ITFG1: variants seen among roughly 807,000 people sequenced by gnomAD.
ITFG1 encodes the protein T-cell immunomodulatory protein.
ITFG1 carries 34 observed loss-of-function variants against 81.8 expected under a neutral mutation model. The ratio of observed to expected loss-of-function variants is 0.42; its 90% confidence interval spans 0.32 to 0.55. ITFG1 has a LOEUF of 0.55. ITFG1 is among the 20% of genes least tolerant of loss of function. The probability of loss-of-function intolerance (pLI) is 0.17; values close to 1 mark genes in which losing one functional copy is unlikely to be tolerated. For synonymous variants in ITFG1, 285 were observed against 270.6 expected, an observed-to-expected ratio of 1.05 and a Z score of -0.52; for missense variants, 672 against 755.4, an observed-to-expected ratio of 0.89 and a Z score of 1.29.
intron 10 of ITFG1, among the ~76,000 whole-genome samples, chr16:47,290,798 T>C (rs181843937): frequency 6.6e-6 from 1 of 152,324 alleles, no homozygotes; most frequent in Non-Finnish European, 1.5e-5. Context: ...TTAATGCAGG[T>C]ACATTCAAGG....
At chr16:47,368,325 G>A (rs1968204781) in intron 7 of ITFG1, among the ~76,000 whole-genome samples, 1 of 151,178 alleles carries the variant, frequency 6.6e-6, no homozygotes, top group African/African-American at 2.4e-5. Context: ...GCCGAGGCAG[G>A]CAGATCACTT....
chr16:47,316,917 A>C (rs1967369098), intron 8 of ITFG1, among the ~76,000 whole-genome samples: 1 of 152,252 alleles, frequency 6.6e-6, no homozygotes, highest in Non-Finnish European at 1.5e-5. Flanking sequence ...AACTTGGCAC[A>C]GTACTTAAAG....
chr16:47,274,724 T>G (rs895100777), intron 10 of ITFG1, among the ~76,000 whole-genome samples: 4 of 152,110 alleles, frequency 2.6e-5, no homozygotes, highest in Admixed American at 1.3e-4. Flanking sequence ...AACTCTCACT[T>G]CTATATATCC....
intron 14 of ITFG1, among the ~76,000 whole-genome samples, chr16:47,179,259 T>C (rs1175823824): frequency 6.6e-6 from 1 of 152,212 alleles, no homozygotes; most frequent in East Asian, 1.9e-4. Context: ...ATCATGCTGC[T>C]ATAAAGACAC....
intron 3 of ITFG1, 82 bp from the exon 4 acceptor site, chr16:47,452,872 TCTA>T (rs1969407041): frequency 1.5e-6 from 1 of 648,350 alleles, no homozygotes; most frequent in Admixed American, 3.5e-5. Flanking sequence ...AAAATATTCT[TCTA>T]CTCTTTTCTA....
intron 10 of ITFG1, among the ~76,000 whole-genome samples, chr16:47,266,236 G>T (rs1470375464): frequency 2.0e-5 from 3 of 151,848 alleles, no homozygotes; most frequent in African/African-American, 7.3e-5. Flanking sequence ...TTGTTTTTTT[G>T]TGATGGAGTC....
intron 12 of ITFG1, among the ~76,000 whole-genome samples, chr16:47,253,479 A>G (rs1343707773): frequency 6.6e-6 from 1 of 152,160 alleles, no homozygotes; most frequent in Non-Finnish European, 1.5e-5. Flanking sequence ...CCTGAGCAGG[A>G]CCATGATGTG....
chr16:47,377,506 T>C lies in ITFG1; in HGVS notation c.656-1566A>G, dbSNP rs190884170. 1.7e-3 allele frequency among the ~76,000 whole-genome samples: 254 copies of C among 152,316 alleles called. 1 individual carries two copies. Among genetic ancestry groups the C allele is most frequent in the Non-Finnish European group, 2.5e-3 (173 of 68,016 alleles). On this transcript the variant is annotated intron_variant, in intron 6 of 17. Transcript: ENST00000320640. ...TTACTCCCTCACAAGAAGATTGTTT[T>C]CAGACAGAGCAAAGTAGTCGCCAGA...
chr16:47,216,608 A>AT (rs1965627704), intron 14 of ITFG1, among the ~76,000 whole-genome samples: 1 of 151,944 alleles, frequency 6.6e-6, no homozygotes, highest in African/African-American at 2.4e-5. Flanking sequence ...ATAAATGTTA[A>AT]TTTTTTATTA....
chr16:47,461,077 A>G (rs1478213645), upstream of ITFG1: 4 of 1,495,294 alleles, frequency 2.7e-6, no homozygotes, highest in East Asian at 2.5e-5. Flanking sequence ...CGCCGGCCCA[A>G]CGCCGCGCTT....
At chr16:47,370,158 T>C (rs1301409192) in intron 7 of ITFG1, among the ~76,000 whole-genome samples, 1 of 152,084 alleles carries the variant, frequency 6.6e-6, no homozygotes, top group Non-Finnish European at 1.5e-5. Flanking sequence ...CTCCTTCTAA[T>C]AGCGGCAGGA....
At chr16:47,185,214 G>T (rs1965194566) in intron 14 of ITFG1, among the ~76,000 whole-genome samples, 1 of 152,178 alleles carries the variant, frequency 6.6e-6, no homozygotes, top group African/African-American at 2.4e-5. Flanking sequence ...ACATTAGACA[G>T]ATCAGCGAGA....
chr16:47,341,700 A>G (rs1301075195), intron 8 of ITFG1, among the ~76,000 whole-genome samples: 1 of 152,202 alleles, frequency 6.6e-6, no homozygotes, highest in Non-Finnish European at 1.5e-5. Flanking sequence ...AGATTGACAA[A>G]AAGAGAGATG....
chr16:47,419,698 G>A (rs1968919872), intron 6 of ITFG1, among the ~76,000 whole-genome samples: 1 of 147,606 alleles, frequency 6.8e-6, no homozygotes. Flanking sequence ...TGCCTCCCAG[G>A]TTCAAGCAAT....
Position 47,459,149 on chromosome 16 carries a change from C to T in ITFG1, c.235G>A (p.Asp79Asn). 2.5e-6 allele frequency: 4 copies of T among 1,601,114 alleles called. No homozygotes were observed. Among genetic ancestry groups the T allele is most frequent in the Non-Finnish European group, 3.4e-6 (4 of 1,168,560 alleles). Reference protein sequence around the residue: ...ERNDLIVFLADQNAPYFKPKV... With the variant: ...ERNDLIVFLANQNAPYFKPKV... ...GGTTTAAAATAGGGTGCATTCTGGTCTGCCAAAAAGACGATTAAGTCATTT... is the reference window on the plus strand; with the variant it reads ...GGTTTAAAATAGGGTGCATTCTGGTTTGCCAAAAAGACGATTAAGTCATTT... The change falls in exon 2 of 18, where the codon GAC (aspartate) becomes AAC (asparagine). Residue 79 changes from aspartate (D) to asparagine (N), a missense_variant. This residue lies in a region of ITFG1 where 560 missense variants were observed against 625.7 expected (regional missense o/e 0.90). Coordinates refer to ENST00000320640, the MANE Select transcript of ITFG1 (RefSeq NM_030790.5).
intron 8 of ITFG1, among the ~76,000 whole-genome samples, chr16:47,336,967 A>G (rs1967712341): frequency 6.6e-6 from 1 of 150,604 alleles, no homozygotes; most frequent in Admixed American, 6.6e-5. Context: ...CATCTCAAAA[A>G]AAGAAAAAAA....
intron 8 of ITFG1, among the ~76,000 whole-genome samples, chr16:47,349,634 A>G (rs1414636716): frequency 6.6e-6 from 1 of 152,236 alleles, no homozygotes; most frequent in Admixed American, 6.5e-5. Flanking sequence ...CCCAACTGTC[A>G]ATGTTAAACA....
At chr16:47,278,174 A>G (rs1966417272) in intron 10 of ITFG1, among the ~76,000 whole-genome samples, 2 of 152,198 alleles carry the variant, frequency 1.3e-5, no homozygotes, top group African/African-American at 4.8e-5. Context: ...CGGAGATTAC[A>G]AATGGAGATT....
chr16:47,390,919 A>G (rs903958227), intron 6 of ITFG1, among the ~76,000 whole-genome samples: 47 of 152,160 alleles, frequency 3.1e-4, no homozygotes, highest in African/African-American at 1.1e-3. Flanking sequence ...TTGAGTGATT[A>G]GACAACTATT....
Sources: allele counts gnomAD v4.1 joint callset (sites outside exome capture counted in the v4.1 genomes callset), GRCh38; gene constraint gnomAD v4.1.1; regional missense constraint gnomAD v4.1.1; transcripts MANE v1.5; gene names NCBI Gene and HGNC (gene_info 2026-07-23, HGNC 2026-07-21).